The following ZDHHC8 variants were observed in gnomAD, a reference collection of about 807,000 sequenced individuals.
The protein encoded by ZDHHC8 is palmitoyltransferase ZDHHC8.
ZDHHC8 carries 24 observed loss-of-function variants against 61.2 expected under a neutral mutation model. That is an observed-to-expected ratio of 0.39 (90% confidence interval 0.28 to 0.55). ZDHHC8 has a LOEUF of 0.55. ZDHHC8 is among the 20% of genes least tolerant of loss of function. ZDHHC8 has a pLI of 0.60. For synonymous variants in ZDHHC8, 523 were observed against 492.5 expected (o/e 1.06, Z -0.82); for missense variants, 935 against 1,102.1 (o/e 0.85, Z 2.15).
Position 20,141,324 on chromosome 22 carries a change from C to T in ZDHHC8, c.1002C>T (p.Arg334=). 1.2e-6 allele frequency: 2 copies of T among 1,612,462 alleles called. No individual in the cohort carries two copies. Among genetic ancestry groups the T allele is most frequent in the Non-Finnish European group, 1.7e-6 (2 of 1,179,680 alleles). Residue 334 remains arginine, a synonymous_variant, in exon 8 of 11, where the codon CGC becomes CGT. Transcript: ENST00000334554. ...TCAGCAGTGACCTGCAGACCCCGCG[C>T]CCAGGCAGTGCTGGTGAGGTTGGGG... ...GTFSSDLQTP[R]PGSAESALSV...
chr22:20,138,955 GA>G (rs1293096808), intron 1 of ZDHHC8, among the ~76,000 whole-genome samples: 3 of 152,172 alleles, frequency 2.0e-5, no homozygotes, highest in African/African-American at 7.2e-5. Context: ...CGGCTGCCCT[GA>G]GAGGTTGCCG....
intron 1 of ZDHHC8, among the ~76,000 whole-genome samples, chr22:20,137,000 T>A (rs578113040): frequency 6.6e-6 from 1 of 152,296 alleles, no homozygotes; most frequent in East Asian, 1.9e-4. Context: ...TTAGGCAGGA[T>A]CTGACCTTGG....
intron 5 of ZDHHC8, 52 bp downstream of exon 5, chr22:20,140,269 C>A: frequency 6.4e-7 from 1 of 1,553,314 alleles, no homozygotes; most frequent in Non-Finnish European, 8.7e-7. Context: ...AGAGTTGGGG[C>A]TGCATGGGGA....
intron 1 of ZDHHC8, among the ~76,000 whole-genome samples, chr22:20,133,421 T>A (rs1178953032): frequency 2.0e-5 from 3 of 152,144 alleles, no homozygotes; most frequent in African/African-American, 7.2e-5. Flanking sequence ...CAGTGTCCTT[T>A]CTCATGACTT....
Position 20,145,117 on chromosome 22 carries a change from G to A in ZDHHC8, c.2127-112G>A, listed in dbSNP as rs1027187567. 3.8e-5 allele frequency: 40 copies of A among 1,042,820 alleles called. No individual in the cohort carries two copies. The East Asian group carries it at 4.6e-4, about 12-fold the overall frequency. The allele number at this position is 1,042,820 out of a possible 1,614,324, so 64.6% of individuals were successfully genotyped here. Reference sequence around the variant, plus strand: ...GGGACTGCACGGGGCCCCACAACTCGGCTGCACTAGTCCACGTCCGCGTCG... The same window carrying A: ...GGGACTGCACGGGGCCCCACAACTCAGCTGCACTAGTCCACGTCCGCGTCG... On this transcript the variant is annotated intron_variant, in intron 10 of 10. Coordinates refer to ENST00000334554, the MANE Select transcript of ZDHHC8 (RefSeq NM_013373.4).
At chr22:20,141,093 G>A in intron 7 of ZDHHC8, 81 bp downstream of exon 7, 1 of 1,597,418 alleles carries the variant, frequency 6.3e-7, no homozygotes, top group South Asian at 1.1e-5. Flanking sequence ...GCCTAGAAGA[G>A]GTGGATGGGG....
intron 1 of ZDHHC8, among the ~76,000 whole-genome samples, chr22:20,134,028 T>C (rs1243751520): frequency 6.6e-6 from 1 of 152,188 alleles, no homozygotes; most frequent in Non-Finnish European, 1.5e-5. Context: ...TGTTCTGGGG[T>C]TCTGGTTTCG....
Position 20,139,853 on chromosome 22 carries a change from A to G in ZDHHC8, c.518A>G (p.Asn173Ser), listed in dbSNP as rs1350630581. 6.2e-7 allele frequency: 1 copy of G among 1,612,430 alleles called. No individual in the cohort carries two copies. The highest frequency in any genetic ancestry group is 2.2e-5 in the East Asian group (1 of 44,872). The change falls in exon 4 of 11, where the codon AAC becomes AGC. Residue 173 changes from asparagine (N) to serine (S), a missense_variant. Around this residue, in one of 3 missense-constraint regions of ZDHHC8, gnomAD observed 199 missense variants for 334.0 expected, o/e 0.60. Coordinates refer to ENST00000334554, the MANE Select transcript of ZDHHC8 (RefSeq NM_013373.4). The stretch of plus-strand genomic sequence containing the variant: ...GCCTTCGGCCTGGTCTACGTGCTGA[A>G]CCACGCTGAGGGGCTGGGAGCCGCG... ...VVAFGLVYVL[N>S]HAEGLGAAHT...
At chr22:20,138,933 G>T (rs2050443549) in intron 1 of ZDHHC8, among the ~76,000 whole-genome samples, 1 of 152,190 alleles carries the variant, frequency 6.6e-6, no homozygotes, top group Non-Finnish European at 1.5e-5. Context: ...AGGTCTGTGG[G>T]CCTCTCTGAG....
Position 20,140,975 on chromosome 22 carries a change from G to C in ZDHHC8, c.857G>C (p.Ser286Thr), listed in dbSNP as rs1323056582. The C allele has an allele frequency of 2.5e-6, 4 of 1,611,190 alleles. No homozygotes were observed. The highest frequency in any genetic ancestry group is 3.4e-6 in the Non-Finnish European group (4 of 1,179,988). The change falls in exon 7 of 11, where the codon AGT (serine) becomes ACT (threonine). Residue 286 changes from serine (S) to threonine (T), a missense_variant. By Grantham distance (58) the Ser-to-Thr change is moderately conservative (BLOSUM62 1). Around this residue, in one of 3 missense-constraint regions of ZDHHC8, gnomAD observed 692 missense variants for 731.4 expected, o/e 0.95. Coordinates refer to ENST00000334554, the MANE Select transcript of ZDHHC8 (RefSeq NM_013373.4). ...GCTGCACCGCTCAAGGTCAAGCTTA[G>C]TGACAACGGGCTGAAGGCTGGCCTG... Reference protein sequence around the residue: ...DRAAPLKVKLSDNGLKAGLGR... With the variant: ...DRAAPLKVKLTDNGLKAGLGR...
Position 20,145,873 on chromosome 22 carries a change from T to C in ZDHHC8, c.*473T>C. On this transcript the variant is annotated 3_prime_UTR_variant, in exon 11 of 11. Transcript: ENST00000334554. ...CCGGACCGAGTGTCCCCCGCCAGGC[T>C]ACTCCTAACTAACGCGTTGCCTTTC... 4 of 986,124 alleles carry C rather than the reference T, an allele frequency of 4.1e-6. No individual in the cohort carries two copies. The highest frequency in any genetic ancestry group is 4.8e-6 in the Non-Finnish European group (4 of 830,300). The allele number at this position is 986,124 out of a possible 1,614,324, so 61.1% of individuals were successfully genotyped here.
rs111780122 is a variant in ZDHHC8 at position 20,147,107 on chromosome 22, G to C, written c.*1707G>C. On this transcript the variant is annotated 3_prime_UTR_variant, in exon 11 of 11. Transcript: ENST00000334554. ...GGGCTGCACCTGTGCCACCTTGGCC[G>C]CCCGGAGGACCGCCCACCACTGCGG... The C allele has an allele frequency of 6.5e-7, 1 of 1,531,540 alleles. No homozygotes were observed. Among genetic ancestry groups the C allele is most frequent in the Admixed American group, 2.0e-5 (1 of 49,086 alleles). 94.9% of individuals were successfully genotyped at this position (1,531,540 alleles called of 1,614,324 possible).
rs1217076912 is a variant in ZDHHC8 at position 20,147,733 on chromosome 22, G to GCCCCACTGGGGCTGCCTGCA, written c.*2337_*2356dup. ...TGTGGTCTTGGCCAGCTCCGCCTGG[G>GCCCCACTGGGGCTGCCTGCA]CCCCACTGGGGCTGCCTGCACCCAG... On this transcript the variant is annotated 3_prime_UTR_variant, in exon 11 of 11. Transcript: ENST00000334554. The GCCCCACTGGGGCTGCCTGCA allele has an allele frequency of 6.5e-6, 1 of 152,928 alleles. No homozygotes were observed. The highest frequency in any genetic ancestry group is 1.5e-5 in the Non-Finnish European group (1 of 68,566). 9.5% of individuals were successfully genotyped at this position (152,928 alleles called of 1,614,324 possible).
chr22:20,142,716 G>A, intron 9 of ZDHHC8, 40 bp from the exon 10 acceptor site: 3 of 1,608,690 alleles, frequency 1.9e-6, no homozygotes, highest in Non-Finnish European at 2.5e-6. Flanking sequence ...TGCAGGCGGG[G>A]TGGCAGGTGG....
In ZDHHC8 at chr22:20,131,979, C is replaced by T. The variant is rs1394194316; in HGVS notation, c.32C>T (p.Pro11Leu). The T allele has an allele frequency of 3.0e-6, 4 of 1,354,884 alleles. No individual in the cohort carries two copies. Among genetic ancestry groups the T allele is most frequent in the Non-Finnish European group, 3.9e-6 (4 of 1,036,492 alleles). 83.9% of individuals were successfully genotyped at this position (1,354,884 alleles called of 1,614,324 possible). The change falls in exon 1 of 11, where the codon CCC becomes CTC. Residue 11 changes from proline to leucine, a missense_variant. Physicochemically the swap from Pro to Leu is moderately conservative, Grantham distance 98. Around this residue, in one of 3 missense-constraint regions of ZDHHC8, gnomAD observed 44 missense variants for 36.6 expected, o/e 1.20. Transcript: ENST00000334554. MPRSPGTRLK[P>L]AKYIPVATAA... Reference sequence around the variant, plus strand: ...CGCAGCCCCGGGACGCGCCTCAAACCCGCCAAGTACATCCCGGTGGCCACG... The same window carrying T: ...CGCAGCCCCGGGACGCGCCTCAAACTCGCCAAGTACATCCCGGTGGCCACG...
At position 20,147,508 on chromosome 22, in the gene ZDHHC8, A is replaced by C; in HGVS notation, c.*2108A>C. The C allele has an allele frequency of 1.1e-5, 2 of 187,344 alleles. No individual in the cohort carries two copies. The highest frequency in any genetic ancestry group is 6.5e-5 in the Admixed American group (1 of 15,448). The allele number at this position is 187,344 out of a possible 1,614,324, so 11.6% of individuals were successfully genotyped here. On this transcript the variant is annotated 3_prime_UTR_variant, in exon 11 of 11. Coordinates refer to ENST00000334554, the MANE Select transcript of ZDHHC8 (RefSeq NM_013373.4). Reference sequence around the variant, plus strand: ...GACCTTTGCCCAGCCTCCCTACCCAACCAAGCACTTTAGACTAAGCCACTT... The same window carrying C: ...GACCTTTGCCCAGCCTCCCTACCCACCCAAGCACTTTAGACTAAGCCACTT...
chr22:20,136,845 A>G (rs960881408), intron 1 of ZDHHC8, among the ~76,000 whole-genome samples: 3 of 152,162 alleles, frequency 2.0e-5, no homozygotes, highest in African/African-American at 7.2e-5. Context: ...ACACATACCC[A>G]TGCACATGTG....
At chr22:20,134,110 C>T (rs2050401115) in intron 1 of ZDHHC8, among the ~76,000 whole-genome samples, 1 of 152,272 alleles carries the variant, frequency 6.6e-6, no homozygotes, top group Non-Finnish European at 1.5e-5. Context: ...CCCAACCCTA[C>T]ACCTGGCCTA....
chr22:20,143,634 T>C lies in ZDHHC8; in HGVS notation c.2004T>C (p.Pro668=), dbSNP rs2050495980. ...PRPSSGSHRS[P]ARQGLPSPPG... ...CCAGCAGTGGCTCACACAGGTCACC[T>C]GCACGCCAGGGCCTGCCCTCCCCGC... Residue 668 remains proline, a synonymous_variant, in exon 10 of 11, where the codon CCT becomes CCC. Coordinates refer to ENST00000334554, the MANE Select transcript of ZDHHC8 (RefSeq NM_013373.4). 6.2e-7 allele frequency: 1 copy of C among 1,605,810 alleles called. No homozygotes were observed. The highest frequency in any genetic ancestry group is 1.3e-5 in the African/African-American group (1 of 74,988).
Sources: gnomAD v4.1 joint callset for allele counts (sites outside exome capture counted in the v4.1 genomes callset) on GRCh38, gnomAD v4.1.1 for gene constraint, gnomAD v4.1.1 regional missense constraint, MANE v1.5 for transcripts, NCBI Gene and HGNC (gene_info 2026-07-23, HGNC 2026-07-21) for gene names.